Variants in MYO1D observed in about 807,000 individuals in gnomAD.
The protein encoded by MYO1D is myosin ID, also known as unconventional myosin-Id.
MYO1D carries 83 observed loss-of-function variants against 122.0 expected under a neutral mutation model. The observed-to-expected ratio is 0.68, with a 90% CI of 0.57 to 0.82. MYO1D has a LOEUF of 0.82. Ranked by LOEUF, MYO1D falls within the 40% of genes least tolerant of loss-of-function variation. The pLI is 0.00. For synonymous variants in MYO1D, 464 were observed against 446.9 expected, an observed-to-expected ratio of 1.04 and a Z score of -0.48; for missense variants, 1,157 against 1,269.5, an observed-to-expected ratio of 0.91 and a Z score of 1.35.
At chr17:32,618,639 CTTT>C (rs35604698) in intron 20 of MYO1D, among the ~76,000 whole-genome samples, 1 of 144,098 alleles carries the variant, frequency 6.9e-6, no homozygotes, top group Non-Finnish European at 1.5e-5. Flanking sequence ...TTAATTAATT[CTTT>C]TTTTTTTTTT....
At chr17:32,628,931 C>G (rs755684854) in intron 20 of MYO1D, among the ~76,000 whole-genome samples, 10 of 152,164 alleles carry the variant, frequency 6.6e-5, no homozygotes, top group Non-Finnish European at 1.3e-4. Context: ...AACCTGCTTG[C>G]AAATGTTTTT....
chr17:32,778,770 A>T (rs906105828), intron 2 of MYO1D, among the ~76,000 whole-genome samples, 197 bp from the exon 3 acceptor site: 2 of 152,188 alleles, frequency 1.3e-5, no homozygotes, highest in African/African-American at 2.4e-5. Flanking sequence ...CCTGAATATG[A>T]TGAAGAAAAT....
At chr17:32,674,028 C>T (rs1340739619) in intron 16 of MYO1D, among the ~76,000 whole-genome samples, 1 of 152,168 alleles carries the variant, frequency 6.6e-6, no homozygotes, top group Non-Finnish European at 1.5e-5. Flanking sequence ...ACAACTATGA[C>T]TAATTCCTTA....
chr17:32,739,219 T>TA (rs956147434), intron 13 of MYO1D, among the ~76,000 whole-genome samples: 4 of 152,060 alleles, frequency 2.6e-5, no homozygotes, highest in African/African-American at 7.2e-5. Flanking sequence ...AAACTTTTCT[T>TA]AAAAAATTGG....
At chr17:32,683,115 C>T (rs1213489393) in intron 16 of MYO1D, among the ~76,000 whole-genome samples, 2 of 130,126 alleles carry the variant, frequency 1.5e-5, no homozygotes, top group Non-Finnish European at 3.2e-5. Context: ...CCTTTAAGCA[C>T]TTCTCTGTAT....
chr17:32,547,695 C>T (rs2086975792), intron 21 of MYO1D, among the ~76,000 whole-genome samples: 1 of 152,202 alleles, frequency 6.6e-6, no homozygotes, highest in Non-Finnish European at 1.5e-5. Flanking sequence ...TCCTATAATC[C>T]TAGCACTTTG....
chr17:32,633,511 C>A lies in MYO1D; in HGVS notation c.2709+5211G>T, dbSNP rs532454007. 4.1e-4 allele frequency among the ~76,000 whole-genome samples: 62 copies of A among 152,208 alleles called. 1 individual carries two copies. Among genetic ancestry groups the A allele is most frequent in the East Asian group, 2.5e-3 (13 of 5,180 alleles). On this transcript the variant is annotated intron_variant, in intron 20 of 21. Transcript: ENST00000318217. ...CTTTACTTACATCCTCCTCTTACCC[C>A]CTTCATAGATAGCTTGCTTTCTTCT...
Position 32,711,965 on chromosome 17 carries a change from TTATA to T in MYO1D, c.2121+19_2121+22del. ...AGAACTTAAAAGCAAAATCTTATCC[TTATA>T]TATAAAATATAAAATTACCTTTTGT... On this transcript the variant is annotated intron_variant, in intron 16 of 21. Transcript: ENST00000318217. 1 of 1,569,140 alleles carries T rather than the reference TTATA, an allele frequency of 6.4e-7. No individual in the cohort carries two copies. Among genetic ancestry groups the T allele is most frequent in the South Asian group, 1.2e-5 (1 of 86,308 alleles).
intron 19 of MYO1D, among the ~76,000 whole-genome samples, chr17:32,648,338 C>A (rs1317353343): frequency 6.6e-6 from 1 of 152,120 alleles, no homozygotes; most frequent in Non-Finnish European, 1.5e-5. Flanking sequence ...GCTCATCATC[C>A]CAGTTCCTGA....
chr17:32,502,927 AT>A (rs1186757068), intron 21 of MYO1D, among the ~76,000 whole-genome samples: 5 of 151,920 alleles, frequency 3.3e-5, no homozygotes, highest in Admixed American at 6.6e-5. Flanking sequence ...GGGGAGGGAT[AT>A]TTTTTTTCCC....
intron 21 of MYO1D, among the ~76,000 whole-genome samples, chr17:32,583,739 GTTCT>G (rs779649185): frequency 2.7e-5 from 4 of 149,844 alleles, no homozygotes; most frequent in Non-Finnish European, 4.4e-5. Flanking sequence ...TTCTTTGTTT[GTTCT>G]TTGTTTTTTT....
intron 21 of MYO1D, among the ~76,000 whole-genome samples, chr17:32,598,643 A>G (rs181656221): frequency 1.3e-5 from 2 of 152,332 alleles, no homozygotes; most frequent in Non-Finnish European, 2.9e-5. Flanking sequence ...AATAAAGTGA[A>G]TATCACAATA....
chr17:32,669,441 C>T (rs768673248), intron 16 of MYO1D, among the ~76,000 whole-genome samples: 1 of 152,210 alleles, frequency 6.6e-6, no homozygotes, highest in Non-Finnish European at 1.5e-5. Context: ...TGTCTAGTCA[C>T]ATTTTATTGC....
intron 14 of MYO1D, among the ~76,000 whole-genome samples, chr17:32,723,017 T>C (rs1181013783): frequency 6.6e-6 from 1 of 152,150 alleles, no homozygotes; most frequent in Non-Finnish European, 1.5e-5. Flanking sequence ...ATCATGCCTT[T>C]GTGATGAAAC....
chr17:32,597,868 CAAAAAAAAAAAAAAAA>C (rs755415435), intron 21 of MYO1D, among the ~76,000 whole-genome samples: 1 of 62,716 alleles, frequency 1.6e-5, no homozygotes, highest in Non-Finnish European at 3.1e-5. Flanking sequence ...AACCCTGTCT[CAAAAAAAAAAAAAAAA>C]AAAAAAAAGA....
intron 11 of MYO1D, among the ~76,000 whole-genome samples, chr17:32,753,379 C>A (rs2089917219): frequency 6.6e-6 from 1 of 151,980 alleles, no homozygotes; most frequent in East Asian, 1.9e-4. Context: ...TGTACACCTC[C>A]CAGATCTAAA....
At chr17:32,601,140 C>T (rs865831910) in intron 21 of MYO1D, among the ~76,000 whole-genome samples, 7 of 151,952 alleles carry the variant, frequency 4.6e-5, no homozygotes, top group Admixed American at 1.3e-4. Context: ...CACTATGTTG[C>T]GCAGACCTTG....
At chr17:32,784,096 C>T (rs2090267847) in intron 1 of MYO1D, among the ~76,000 whole-genome samples, 1 of 152,140 alleles carries the variant, frequency 6.6e-6, no homozygotes, top group Non-Finnish European at 1.5e-5. Context: ...CAATAAACCA[C>T]CTTCAGTGAG....
chr17:32,743,660 C>T (rs1006166998), intron 13 of MYO1D, among the ~76,000 whole-genome samples: 1 of 151,578 alleles, frequency 6.6e-6, no homozygotes, highest in African/African-American at 2.4e-5. Context: ...CTCTGTCGCC[C>T]AGGCTGGAGT....
Sources: gnomAD v4.1 joint callset for allele counts (sites outside exome capture counted in the v4.1 genomes callset) on GRCh38, gnomAD v4.1.1 for gene constraint, MANE v1.5 for transcripts, NCBI Gene and HGNC (gene_info 2026-07-23, HGNC 2026-07-21) for gene names.